The following EIF4EBP1 variants were observed in gnomAD, a reference collection of about 807,000 sequenced individuals.
EIF4EBP1 encodes eukaryotic translation initiation factor 4E binding protein 1.
EIF4EBP1 carries 5 observed loss-of-function variants against 9.2 expected under a neutral mutation model. The ratio of observed to expected loss-of-function variants is 0.54; its 90% CI spans 0.28 to 1.14. The LOEUF (loss-of-function observed/expected upper bound fraction) is 1.14. Among genes scored for constraint, EIF4EBP1 ranks in the 50% most tolerant of loss-of-function variants. EIF4EBP1 has a pLI of 0.09. For synonymous variants in EIF4EBP1, 62 were observed against 67.0 expected, an observed-to-expected ratio of 0.93 and a Z score of 0.36; for missense variants, 139 against 169.6, an observed-to-expected ratio of 0.82 and a Z score of 1.00.
At chr8:38,039,983 G>A (rs2130383950) in intron 1 of EIF4EBP1, among the ~76,000 whole-genome samples, 1 of 152,202 alleles carries the variant, frequency 6.6e-6, no homozygotes, top group Non-Finnish European at 1.5e-5. Flanking sequence ...TGAGCTCCTG[G>A]GCTCAAGCAA....
At chr8:38,052,360 A>C (rs763289495) in intron 1 of EIF4EBP1, among the ~76,000 whole-genome samples, 2 of 150,490 alleles carry the variant, frequency 1.3e-5, no homozygotes, top group Admixed American at 1.3e-4. Context: ...TCTCAGGCTC[A>C]AGCGATCCTC....
chr8:38,052,971 A>G (rs1809545639), intron 1 of EIF4EBP1, among the ~76,000 whole-genome samples: 1 of 152,212 alleles, frequency 6.6e-6, no homozygotes, highest in Non-Finnish European at 1.5e-5. Flanking sequence ...GTAGCCATAG[A>G]ACAAAGGGCA....
chr8:38,050,495 G>T (rs953153854), intron 1 of EIF4EBP1, among the ~76,000 whole-genome samples: 1 of 151,880 alleles, frequency 6.6e-6, no homozygotes. Flanking sequence ...AACTACAGAC[G>T]TGTGCCACCA....
chr8:38,057,299 G>C (rs1373386842), intron 2 of EIF4EBP1, 39 bp downstream of exon 2: 2 of 1,535,576 alleles, frequency 1.3e-6, no homozygotes, highest in Admixed American at 3.9e-5. Context: ...CCTTGGGAAA[G>C]GGAATGTATG....
rs1028867248 is a variant in EIF4EBP1, at chr8:38,030,539, A to C, written c.-35A>C. 6.7e-7 allele frequency: 1 copy of C among 1,486,080 alleles called. No individual in the cohort carries two copies. The highest frequency in any genetic ancestry group is 8.9e-7 in the Non-Finnish European group (1 of 1,124,182). The allele number at this position is 1,486,080 out of a possible 1,614,324, so 92.1% of individuals were successfully genotyped here. On this transcript the variant is annotated 5_prime_UTR_variant, in exon 1 of 3. Coordinates refer to ENST00000338825, the MANE Select transcript of EIF4EBP1 (RefSeq NM_004095.4). ...AGCGAGGCTGGAGGCGCGGGAGGGC[A>C]GCGAGAGGTTCGCGGGTGCAGCGCA...
intron 1 of EIF4EBP1, among the ~76,000 whole-genome samples, chr8:38,051,296 G>T (rs28570677): frequency 0.029 from 4,474 of 152,198 alleles, 270 homozygotes; most frequent in East Asian, 0.23. Flanking sequence ...GACCGCTCCT[G>T]TACTTGCCTC....
At chr8:38,034,078 A>T (rs763700915) in intron 1 of EIF4EBP1, among the ~76,000 whole-genome samples, 2 of 151,830 alleles carry the variant, frequency 1.3e-5, no homozygotes, top group Non-Finnish European at 2.9e-5. Flanking sequence ...ACAGGGTCTC[A>T]TGGTGTCACC....
intron 1 of EIF4EBP1, among the ~76,000 whole-genome samples, chr8:38,041,713 G>A (rs1171326807): frequency 1.3e-5 from 2 of 152,144 alleles, no homozygotes; most frequent in East Asian, 1.9e-4. Flanking sequence ...ACACAAGGTC[G>A]GGTGCAGTAG....
chr8:38,052,696 C>T (rs1039580435), intron 1 of EIF4EBP1, among the ~76,000 whole-genome samples: 5 of 148,574 alleles, frequency 3.4e-5, no homozygotes, highest in African/African-American at 5.0e-5. Flanking sequence ...CCAGCCTGGG[C>T]AACAGAATGA....
At chr8:38,044,695 C>T (rs1316573496) in intron 1 of EIF4EBP1, among the ~76,000 whole-genome samples, 1 of 152,200 alleles carries the variant, frequency 6.6e-6, no homozygotes, top group East Asian at 1.9e-4. Context: ...ATGCCTTGGC[C>T]TCCCAAAGCA....
At chr8:38,045,679 T>C (rs1375671174) in intron 1 of EIF4EBP1, among the ~76,000 whole-genome samples, 1 of 152,052 alleles carries the variant, frequency 6.6e-6, no homozygotes, top group Non-Finnish European at 1.5e-5. Context: ...TTCTCCAGCC[T>C]GGGCAGCAGA....
chr8:38,052,717 CAA>C (rs746753182), intron 1 of EIF4EBP1, among the ~76,000 whole-genome samples: 12 of 120,850 alleles, frequency 9.9e-5, no homozygotes, highest in Admixed American at 1.8e-4. Context: ...GACTCCATCT[CAA>C]AAAAAAAAAA....
At chr8:38,053,448 G>A (rs1432771477) in intron 1 of EIF4EBP1, among the ~76,000 whole-genome samples, 2 of 151,146 alleles carry the variant, frequency 1.3e-5, no homozygotes, top group Non-Finnish European at 2.9e-5. Context: ...TGCCTCCCAG[G>A]TTCAAGCGAT....
intron 1 of EIF4EBP1, among the ~76,000 whole-genome samples, chr8:38,051,849 G>A (rs571575484): frequency 6.6e-5 from 10 of 152,202 alleles, no homozygotes; most frequent in African/African-American, 1.4e-4. Context: ...TGCCTGCCTC[G>A]GCCTCCCAAA....
intron 1 of EIF4EBP1, among the ~76,000 whole-genome samples, chr8:38,048,724 C>T (rs2130392094): frequency 6.6e-6 from 1 of 152,292 alleles, no homozygotes; most frequent in Middle Eastern, 3.4e-3. Flanking sequence ...CCTGTAATCC[C>T]AGCACTTTGG....
At chr8:38,058,547 A>G (rs1355198923) in intron 2 of EIF4EBP1, among the ~76,000 whole-genome samples, 1 of 152,212 alleles carries the variant, frequency 6.6e-6, no homozygotes, top group Non-Finnish European at 1.5e-5. Flanking sequence ...ATAGCATTCC[A>G]GCCCTGGACC....
At chr8:38,050,277 G>T (rs949695368) in intron 1 of EIF4EBP1, among the ~76,000 whole-genome samples, 2 of 152,240 alleles carry the variant, frequency 1.3e-5, no homozygotes, top group South Asian at 4.2e-4. Flanking sequence ...GATTTGCTTA[G>T]ATCTCGCCTT....
intron 1 of EIF4EBP1, 29 bp from the exon 2 acceptor site, chr8:38,057,052 G>A (rs1262430452): frequency 6.4e-7 from 1 of 1,574,192 alleles, no homozygotes; most frequent in Non-Finnish European, 8.6e-7. Context: ...GCTGCAGATG[G>A]CTTGACCAAC....
chr8:38,057,312 G>C (rs1240378586), intron 2 of EIF4EBP1, 52 bp downstream of exon 2: 1 of 1,542,916 alleles, frequency 6.5e-7, no homozygotes, highest in African/African-American at 1.4e-5. Context: ...AATGTATGAG[G>C]CTCCTGGAGT....
Sources: gnomAD v4.1 joint callset for allele counts (sites outside exome capture counted in the v4.1 genomes callset) on GRCh38, gnomAD v4.1.1 for gene constraint, MANE v1.5 for transcripts, NCBI Gene and HGNC (gene_info 2026-07-23, HGNC 2026-07-21) for gene names.